Variants in TSPAN19 observed in about 807,000 individuals in gnomAD.
The protein encoded by TSPAN19 is tetraspanin 19.
Under a neutral mutation model 35.1 loss-of-function variants are expected in TSPAN19, and 44 were observed. The observed-to-expected ratio is 1.25, with a 90% CI of 0.98 to 1.61. The LOEUF is 1.61. Among genes scored for constraint, TSPAN19 ranks in the 40% most tolerant of loss-of-function variants. The probability of loss-of-function intolerance (pLI) is 0.00; values close to 1 mark genes in which losing one functional copy is unlikely to be tolerated. For missense variants in TSPAN19, 290 were observed against 280.0 expected, an observed-to-expected ratio of 1.04 and a Z score of -0.26; for synonymous variants, 79 against 92.0, an observed-to-expected ratio of 0.86 and a Z score of 0.81.
chr12:85,029,724 G>T lies in TSPAN19; in HGVS notation c.134C>A (p.Ala45Asp). The T allele has an allele frequency of 6.5e-7, 1 of 1,537,202 alleles. No homozygotes were observed. Among genetic ancestry groups the T allele is most frequent in the Non-Finnish European group, 8.8e-7 (1 of 1,142,356 alleles). Residue 45 changes from alanine (A) to aspartate (D), a missense_variant, in exon 3 of 9, where the codon GCT (alanine) becomes GAT (aspartate). By Grantham distance (126) the Ala-to-Asp change is moderately radical. Transcript: ENST00000532498. ...AAACAAAAATAGATACATACCAAAA[G>T]CTGTTAAAAAATTATTTCTATCTAA... ...LLLDRNNFLT[A>D]FDENNHFIVP...
intron 6 of TSPAN19, among the ~76,000 whole-genome samples, chr12:85,018,556 G>T (rs928954678): frequency 6.6e-6 from 1 of 151,910 alleles, no homozygotes; most frequent in African/African-American, 2.4e-5. Context: ...AATGCAGTTT[G>T]AAAATACAAT....
chr12:85,028,074 G>C, intron 3 of TSPAN19, 51 bp from the exon 4 acceptor site: 1 of 1,380,174 alleles, frequency 7.2e-7, no homozygotes, highest in Non-Finnish European at 9.7e-7. Context: ...TATATGAAGT[G>C]GTATTTTATT....
intron 4 of TSPAN19, among the ~76,000 whole-genome samples, chr12:85,025,809 G>GC (rs5799717): frequency 1 from 152,347 of 152,348 alleles, 76,173 homozygotes; most frequent in Non-Finnish European, 1. Flanking sequence ...ACAGGCGTGA[G>GC]CACCGCACCT....
At chr12:85,030,029 T>G in intron 1 of TSPAN19, 56 bp from the exon 2 acceptor site, 2 of 1,248,882 alleles carry the variant, frequency 1.6e-6, no homozygotes, top group Non-Finnish European at 2.1e-6. Flanking sequence ...TAAATATTTC[T>G]CCCTACTTAT....
chr12:85,033,833 A>G (rs1877791480), intron 1 of TSPAN19, among the ~76,000 whole-genome samples: 1 of 152,112 alleles, frequency 6.6e-6, no homozygotes, highest in Non-Finnish European at 1.5e-5. Flanking sequence ...TGCCTCAAAG[A>G]GATGTTGTGA....
At chr12:85,026,981 A>G (rs893381141) in intron 4 of TSPAN19, among the ~76,000 whole-genome samples, 11 of 152,148 alleles carry the variant, frequency 7.2e-5, no homozygotes, top group Admixed American at 7.2e-4. Context: ...CAGCAGCTGA[A>G]CTTCCCATCT....
At chr12:85,016,103 G>A (rs1876779052) in intron 7 of TSPAN19, 132 bp from the exon 8 acceptor site, 7 of 537,578 alleles carry the variant, frequency 1.3e-5, no homozygotes, top group Admixed American at 1.3e-4. Context: ...TATCTAATTG[G>A]CGAACTGGAC....
At chr12:85,019,496 TGCCCAG>T in intron 6 of TSPAN19, 124 bp downstream of exon 6, 6 of 577,232 alleles carry the variant, frequency 1.0e-5, no homozygotes, top group African/African-American at 2.0e-5. Flanking sequence ...ATGCCCTTTT[TGCCCAG>T]TTTGTTTGAA....
chr12:85,031,782 T>G (rs1028668130), intron 1 of TSPAN19, among the ~76,000 whole-genome samples: 65 of 152,126 alleles, frequency 4.3e-4, no homozygotes, highest in African/African-American at 1.5e-3. Flanking sequence ...GCAAGTGAGG[T>G]TGAAGTTGTA....
chr12:85,032,702 G>A (rs1263584456), intron 1 of TSPAN19, among the ~76,000 whole-genome samples: 3 of 152,148 alleles, frequency 2.0e-5, no homozygotes, highest in African/African-American at 7.2e-5. Flanking sequence ...ACGTCAATGA[G>A]AACAATGACG....
At chr12:85,023,499 A>G in intron 4 of TSPAN19, 99 bp from the exon 5 acceptor site, 1 of 940,470 alleles carries the variant, frequency 1.1e-6, no homozygotes, top group Non-Finnish European at 1.6e-6. Context: ...ATATGCAACC[A>G]TAAAGTATAT....
intron 1 of TSPAN19, among the ~76,000 whole-genome samples, chr12:85,030,467 G>A (rs1877632538): frequency 6.6e-6 from 1 of 151,964 alleles, no homozygotes; most frequent in East Asian, 1.9e-4. Flanking sequence ...CTGAGGTGTT[G>A]GTTTGGGGAT....
At chr12:85,015,709 G>A in intron 8 of TSPAN19, 179 bp downstream of exon 8, 1 of 464,150 alleles carries the variant, frequency 2.2e-6, no homozygotes, top group Non-Finnish European at 3.8e-6. Context: ...TTATTAATAG[G>A]CTCCCCTGAC....
intron 7 of TSPAN19, 72 bp downstream of exon 7, chr12:85,017,384 A>T: frequency 2.1e-6 from 3 of 1,403,158 alleles, no homozygotes; most frequent in Non-Finnish European, 2.9e-6. Context: ...TTTGCTCAGA[A>T]TTCTAAATTG....
intron 8 of TSPAN19, 40 bp from the exon 9 acceptor site, chr12:85,014,595 AATG>A: frequency 1.4e-6 from 2 of 1,454,020 alleles, no homozygotes; most frequent in Admixed American, 3.7e-5. Flanking sequence ...AAATTTAATC[AATG>A]ATAAGAGTAA....
At position 85,014,566 on chromosome 12, in the gene TSPAN19, A is replaced by G; in HGVS notation, c.679-11T>C. ...TGAGACTTGGAAAACCTGGAAGAAA[A>G]GGGAACAATAAGAGATTAAAATTTA... is the stretch of plus-strand genomic sequence containing the variant. On this transcript the variant is annotated splice_polypyrimidine_tract_variant and intron_variant, in intron 8 of 8. Coordinates refer to ENST00000532498, the MANE Select transcript of TSPAN19 (RefSeq NM_001100917.2). 2 of 1,579,856 alleles carry G rather than the reference A, an allele frequency of 1.3e-6. No homozygotes were observed. The highest frequency in any genetic ancestry group is 1.7e-5 in the Admixed American group (1 of 57,804).
At chr12:85,022,995 G>A (rs1877203425) in intron 5 of TSPAN19, among the ~76,000 whole-genome samples, 1 of 152,084 alleles carries the variant, frequency 6.6e-6, no homozygotes, top group African/African-American at 2.4e-5. Context: ...GATTGGGTCA[G>A]TAGTGGTAGT....
chr12:85,029,335 C>T (rs1203532684), intron 3 of TSPAN19, among the ~76,000 whole-genome samples: 2 of 152,002 alleles, frequency 1.3e-5, no homozygotes, highest in Admixed American at 6.6e-5. Flanking sequence ...AATAATTGTA[C>T]ATATTCATGG....
chr12:85,025,014 T>G (rs961722829), intron 4 of TSPAN19, among the ~76,000 whole-genome samples: 41 of 152,022 alleles, frequency 2.7e-4, no homozygotes, highest in African/African-American at 9.9e-4. Flanking sequence ...GAAAAAAAAA[T>G]TCAGAGACAA....
Sources: gnomAD v4.1 joint callset for allele counts (sites outside exome capture counted in the v4.1 genomes callset) on GRCh38, gnomAD v4.1.1 for gene constraint, MANE v1.5 for transcripts, NCBI Gene and HGNC (gene_info 2026-07-23, HGNC 2026-07-21) for gene names.